The following FRMD4A variants were observed in gnomAD, a reference collection of about 807,000 sequenced individuals.
FRMD4A encodes the protein FERM domain-containing protein 4A.
FRMD4A carries 29 observed loss-of-function variants against 129.1 expected under a neutral mutation model. That is an observed-to-expected ratio of 0.22 (90% CI 0.17 to 0.31). The LOEUF is 0.31. FRMD4A is among the 10% of genes least tolerant of loss of function. The pLI is 1.00. For synonymous variants in FRMD4A, 634 were observed against 571.6 expected, an observed-to-expected ratio of 1.11 and a Z score of -1.56; for missense variants, 1,272 against 1,375.8, an observed-to-expected ratio of 0.92 and a Z score of 1.19.
Position 13,656,839 on chromosome 10 carries a change from T to C in FRMD4A, c.2750A>G (p.Lys917Arg). The C allele has an allele frequency of 6.6e-7, 1 of 1,524,494 alleles. No homozygotes were observed. The highest frequency in any genetic ancestry group is 8.8e-7 in the Non-Finnish European group (1 of 1,139,556). The allele number at this position is 1,524,494 out of a possible 1,614,324, so 94.4% of individuals were successfully genotyped here. A position where few individuals can be genotyped will look rare whatever the true frequency, so the allele number is the denominator to read the frequency against. Residue 917 changes from lysine (K) to arginine (R), a missense_variant, in exon 22 of 25, where the codon AAG becomes AGG. Lys to Arg is a conservative substitution (Grantham distance 26, BLOSUM62 2). This residue lies in a region of FRMD4A where 972 missense variants were observed against 892.3 expected (regional missense o/e 1.09). Coordinates refer to ENST00000357447, the MANE Select transcript of FRMD4A (RefSeq NM_018027.5). ...TGAGACGGCGGCACGGCCCGCGCCC[T>C]TGTCGTGGGCGCCCTCGCGGCCCAG... The part of the protein sequence containing the change: ...PSLGREGAHD[K>R]GAGRAAVSDE...
chr10:13,751,579 A>G (rs2091626515), intron 8 of FRMD4A, among the ~76,000 whole-genome samples: 1 of 152,168 alleles, frequency 6.6e-6, no homozygotes, highest in African/African-American at 2.4e-5. Flanking sequence ...TGGCCTAACG[A>G]ATGTTCTAGA....
chr10:13,695,013 T>C (rs1168086318), intron 14 of FRMD4A, among the ~76,000 whole-genome samples: 1 of 152,184 alleles, frequency 6.6e-6, no homozygotes, highest in African/African-American at 2.4e-5. Context: ...GTCTTCCTAT[T>C]ATGGTTCAAA....
intron 2 of FRMD4A, among the ~76,000 whole-genome samples, chr10:14,190,094 C>T (rs1470473226): frequency 6.6e-6 from 1 of 152,228 alleles, no homozygotes; most frequent in African/African-American, 2.4e-5. Context: ...GTCTCATAGA[C>T]ACTACCCTTT....
At chr10:14,108,956 T>C (rs775948364) in intron 2 of FRMD4A, among the ~76,000 whole-genome samples, 2 of 152,210 alleles carry the variant, frequency 1.3e-5, no homozygotes, top group Non-Finnish European at 2.9e-5. Context: ...ATGTAATTTT[T>C]CACACTTTTC....
chr10:13,656,796 C>G lies in FRMD4A; in HGVS notation c.2793G>C (p.Trp931Cys). The change falls in exon 22 of 25, where the codon TGG becomes TGC. Residue 931 changes from tryptophan (W) to cysteine (C), a missense_variant. Transcript: ENST00000357447. ...RAAVSDELRQWYQRSTASHKE... is the reference protein window; with the variant it reads ...RAAVSDELRQCYQRSTASHKE... ...TGTGCGAGGCGGTGGAACGCTGGTACCACTGGCGCAGCTCGTCTGAGACGG... is the reference window on the plus strand; with the variant it reads ...TGTGCGAGGCGGTGGAACGCTGGTAGCACTGGCGCAGCTCGTCTGAGACGG... 6.3e-7 allele frequency: 1 copy of G among 1,589,556 alleles called. No individual in the cohort carries two copies. The highest frequency in any genetic ancestry group is 8.5e-7 in the Non-Finnish European group (1 of 1,169,928).
At chr10:14,040,730 C>T (rs1441329729) in intron 2 of FRMD4A, among the ~76,000 whole-genome samples, 26 of 144,228 alleles carry the variant, frequency 1.8e-4, no homozygotes, top group Non-Finnish European at 1.5e-5. Context: ...AAACCATAGA[C>T]TGTCTCAGTT....
In FRMD4A at chr10:14,042,924, CAAAAAAAAAAAAAA is replaced by C. The variant is rs57492155; in HGVS notation, c.46-184026_46-184013del. On this transcript the variant is annotated intron_variant, in intron 2 of 24. Coordinates refer to ENST00000357447, the MANE Select transcript of FRMD4A (RefSeq NM_018027.5). ...TGGGTGATAGAGCAAGACTCCATCT[CAAAAAAAAAAAAAA>C]AAAAAAAAAAAGAAATTCATTTCGA... 1.1e-3 allele frequency among the ~76,000 whole-genome samples: 68 copies of C among 62,808 alleles called. 1 individual carries two copies. Among genetic ancestry groups the C allele is most frequent in the African/African-American group, 3.7e-3 (67 of 18,156 alleles). The allele number at this position is 62,808 out of a possible 152,430, so 41.2% of individuals were successfully genotyped here.
chr10:13,722,292 T>G (rs1173851295), intron 12 of FRMD4A, among the ~76,000 whole-genome samples: 2 of 149,868 alleles, frequency 1.3e-5, no homozygotes, highest in Non-Finnish European at 3.0e-5. Flanking sequence ...AGTGCAGTGA[T>G]GCGATCATAG....
intron 12 of FRMD4A, chr10:13,707,921 G>A (rs1458445436): frequency 1.1e-5 from 11 of 983,722 alleles, no homozygotes; most frequent in Admixed American, 6.1e-5. Flanking sequence ...ATGTTTGGAA[G>A]TAATTAGGGC....
intron 2 of FRMD4A, among the ~76,000 whole-genome samples, chr10:14,162,302 C>T (rs1397199491): frequency 6.6e-6 from 1 of 152,182 alleles, no homozygotes; most frequent in Non-Finnish European, 1.5e-5. Context: ...GATGTGTCTA[C>T]TTCTGGTAAA....
chr10:13,891,411 C>T (rs987754964), intron 2 of FRMD4A, among the ~76,000 whole-genome samples: 1 of 151,956 alleles, frequency 6.6e-6, no homozygotes, highest in South Asian at 2.1e-4. Flanking sequence ...TGTGTGTGTG[C>T]CGAGGGGAGG....
intron 13 of FRMD4A, among the ~76,000 whole-genome samples, chr10:13,703,415 A>C (rs2087066197): frequency 6.6e-6 from 1 of 152,208 alleles, no homozygotes; most frequent in South Asian, 2.1e-4. Context: ...AGGGGGAGAA[A>C]GTGCACAGTG....
chr10:13,915,276 G>A (rs2094987763), intron 2 of FRMD4A, among the ~76,000 whole-genome samples: 1 of 152,162 alleles, frequency 6.6e-6, no homozygotes, highest in Non-Finnish European at 1.5e-5. Context: ...CAGTGGGAAG[G>A]CGGGGGCTAG....
chr10:13,721,682 C>T (rs2089424727), intron 12 of FRMD4A, among the ~76,000 whole-genome samples: 1 of 152,226 alleles, frequency 6.6e-6, no homozygotes, highest in Non-Finnish European at 1.5e-5. Context: ...TCCAGCCTGT[C>T]AGCACCAGGC....
chr10:13,830,900 A>G (rs530849067), intron 3 of FRMD4A, among the ~76,000 whole-genome samples: 1 of 152,036 alleles, frequency 6.6e-6, no homozygotes, highest in Non-Finnish European at 1.5e-5. Flanking sequence ...AGTGATTCTC[A>G]TGCCTCAGCC....
At chr10:14,181,614 T>C (rs1289876708) in intron 2 of FRMD4A, among the ~76,000 whole-genome samples, 1 of 152,206 alleles carries the variant, frequency 6.6e-6, no homozygotes, top group Non-Finnish European at 1.5e-5. Flanking sequence ...ATTTTAATTT[T>C]TGACAAATAA....
At chr10:14,169,759 C>T (rs2131883389) in intron 2 of FRMD4A, among the ~76,000 whole-genome samples, 1 of 152,272 alleles carries the variant, frequency 6.6e-6, no homozygotes, top group Middle Eastern at 3.4e-3. Context: ...ACCTGTCATT[C>T]TTCAGCTCCA....
At chr10:13,732,061 G>C (rs1166186389) in intron 12 of FRMD4A, among the ~76,000 whole-genome samples, 1 of 152,168 alleles carries the variant, frequency 6.6e-6, no homozygotes, top group Non-Finnish European at 1.5e-5. Context: ...AGGCCAGGAG[G>C]CTGTCTCTTT....
intron 2 of FRMD4A, among the ~76,000 whole-genome samples, chr10:13,952,829 G>A (rs1458352667): frequency 2.0e-5 from 3 of 152,058 alleles, no homozygotes; most frequent in Admixed American, 6.6e-5. Context: ...GAGTAGCTGG[G>A]ACCATGGTGC....
Sources: gnomAD v4.1 joint callset for allele counts (sites outside exome capture counted in the v4.1 genomes callset) on GRCh38, gnomAD v4.1.1 for gene constraint, gnomAD v4.1.1 regional missense constraint, MANE v1.5 for transcripts, NCBI Gene and HGNC (gene_info 2026-07-23, HGNC 2026-07-21) for gene names.